The following ESD variants were observed in gnomAD, a reference collection of about 807,000 sequenced individuals.
ESD encodes S-formylglutathione hydrolase.
In ESD, 34 loss-of-function variants were observed where a neutral mutation model predicts 38.1. The observed-to-expected ratio is 0.89, with a 90% confidence interval of 0.68 to 1.19. The LOEUF (loss-of-function observed/expected upper bound fraction) is 1.19, where lower values mean the gene tolerates loss of function less well. Ranked by LOEUF, ESD falls within the 50% of genes most tolerant of loss-of-function variation. The pLI, the probability that ESD is intolerant of heterozygous loss-of-function variation, is 0.00. For synonymous variants in ESD, 97 were observed against 107.0 expected (o/e 0.91, Z 0.58); for missense variants, 334 against 327.2 (o/e 1.02, Z -0.16).
At chr13:46,796,635 A>T (rs1375503961) in intron 1 of ESD, among the ~76,000 whole-genome samples, 4 of 152,162 alleles carry the variant, frequency 2.6e-5, no homozygotes, top group Non-Finnish European at 4.4e-5. Flanking sequence ...TGACCGCGCC[A>T]TTGGCTCGTG....
chr13:46,791,391 C>T lies in ESD; in HGVS notation c.23G>A (p.Ser8Asn), dbSNP rs1028703029. Residue 8 changes from serine (S) to asparagine (N), a missense_variant, in exon 3 of 10, where the codon AGC (serine) becomes AAC (asparagine). Physicochemically the swap from Ser to Asn is conservative, Grantham distance 46 (BLOSUM62 1). Coordinates refer to ENST00000378720, the MANE Select transcript of ESD (RefSeq NM_001984.2). The stretch of plus-strand genomic sequence containing the variant: ...CTGCAATCCCCCAAAGCACTTGTTG[C>T]TGGAAATCTGCTTCAATGCCATTCT... Reference protein sequence around the residue: MALKQISSNKCFGGLQKV... With the variant: MALKQISNNKCFGGLQKV... The T allele has an allele frequency of 4.3e-6, 7 of 1,612,894 alleles. No homozygotes were observed. The African/African-American group carries it at 8.0e-5, about 18-fold the overall frequency.
At chr13:46,797,272 G>C (rs1875627098), upstream of ESD, 1 of 152,620 alleles carries the variant, frequency 6.6e-6, no homozygotes, top group Non-Finnish European at 1.5e-5. Context: ...CAGTCTCCAT[G>C]GCCCCGCCGC....
At chr13:46,791,318 T>C (rs1171398376) in intron 3 of ESD, 28 bp downstream of exon 3, 3 of 1,501,886 alleles carry the variant, frequency 2.0e-6, no homozygotes, top group Non-Finnish European at 2.8e-6. Flanking sequence ...GAATGAGGTA[T>C]CTAAAATTAT....
chr13:46,780,090 T>C (rs1874948575), intron 7 of ESD, 57 bp from the exon 8 acceptor site: 9 of 1,178,020 alleles, frequency 7.6e-6, no homozygotes, highest in Middle Eastern at 2.1e-4. Flanking sequence ...TAAATATGAA[T>C]AGATATTTGC....
chr13:46,795,691 G>A (rs1263357176), intron 1 of ESD, among the ~76,000 whole-genome samples: 4 of 151,574 alleles, frequency 2.6e-5, no homozygotes, highest in African/African-American at 9.7e-5. Context: ...AAAAATAGAT[G>A]AATAAAACTC....
At chr13:46,779,830 C>T in intron 8 of ESD, 105 bp downstream of exon 8, 1 of 586,556 alleles carries the variant, frequency 1.7e-6, no homozygotes, top group Non-Finnish European at 2.8e-6. Context: ...TTTGTCTCAG[C>T]TCTAGAGCCC....
intron 1 of ESD, among the ~76,000 whole-genome samples, chr13:46,793,893 G>A (rs1259441826): frequency 6.6e-6 from 1 of 152,104 alleles, no homozygotes; most frequent in Non-Finnish European, 1.5e-5. Context: ...GGGAAGAGAT[G>A]AGGACTGAAG....
At chr13:46,778,958 C>G (rs1033000837) in intron 8 of ESD, among the ~76,000 whole-genome samples, 2 of 150,830 alleles carry the variant, frequency 1.3e-5, no homozygotes, top group Non-Finnish European at 3.0e-5. Context: ...GAACACAGAA[C>G]TATACTTTAA....
chr13:46,794,102 GAC>G (rs1875490276), intron 1 of ESD, among the ~76,000 whole-genome samples: 1 of 151,786 alleles, frequency 6.6e-6, no homozygotes, highest in Non-Finnish European at 1.5e-5. Flanking sequence ...GAAATAGGGT[GAC>G]AGAGTAGGGT....
At chr13:46,771,532 C>A in intron 9 of ESD, 36 bp from the exon 10 acceptor site, 2 of 1,252,102 alleles carry the variant, frequency 1.6e-6, no homozygotes, top group South Asian at 2.5e-5. Context: ...ATTTATCTAC[C>A]ATTCAGGAAC....
rs1487201585 is a variant in ESD at position 46,771,290 on chromosome 13, TATAGA to T, written c.*121_*125del. On this transcript the variant is annotated 3_prime_UTR_variant, in exon 10 of 10. Transcript: ENST00000378720. ...TATCTTTATTCAGAGGTGATTCAAC[TATAGA>T]ATAAAGCCCTTTTAGCACTATAAAA... 3.4e-6 allele frequency: 2 copies of T among 588,104 alleles called. No individual in the cohort carries two copies. The highest frequency in any genetic ancestry group is 6.0e-6 in the Non-Finnish European group (2 of 335,610). 36.4% of individuals were successfully genotyped at this position (588,104 alleles called of 1,614,324 possible).
intron 9 of ESD, chr13:46,775,567 A>T (rs1874765828): frequency 4.4e-6 from 2 of 449,868 alleles, no homozygotes; most frequent in South Asian, 3.3e-5. Context: ...AAAGCTGGCA[A>T]GAAAATCTGA....
chr13:46,787,786 T>C (rs1164919380), intron 3 of ESD, among the ~76,000 whole-genome samples: 1 of 151,948 alleles, frequency 6.6e-6, no homozygotes. Context: ...CACACTGTTA[T>C]GAAAAACTAA....
Position 46,789,991 on chromosome 13 carries a change from C to CATATATATATAT in ESD, c.68+1343_68+1354dup, listed in dbSNP as rs1163985354. On this transcript the variant is annotated intron_variant, in intron 3 of 9. Transcript: ENST00000378720. ...TAACCATGCCTGGCTAATTTTTGTA[C>CATATATATATAT]ATATATATATATATATATTTTTTTT... Among the ~76,000 whole-genome samples, 11 of 140,284 alleles carry CATATATATATAT rather than the reference C, an allele frequency of 7.8e-5. 1 individual carries two copies. In the South Asian group the frequency reaches 9.0e-4, roughly 11 times the overall value. 92.0% of individuals were successfully genotyped at this position (140,284 alleles called of 152,430 possible). A position where few individuals can be genotyped will look rare whatever the true frequency, so the allele number is the denominator to read the frequency against.
chr13:46,789,736 T>TC lies in ESD; in HGVS notation c.68+1609dup, dbSNP rs1225572075. ...TATCTTATTTTACTTTCTAGAATGT[T>TC]CAACTAACCATTCTATTGAGTTTTG... On this transcript the variant is annotated intron_variant, in intron 3 of 9. Coordinates refer to ENST00000378720, the MANE Select transcript of ESD (RefSeq NM_001984.2). Among the ~76,000 whole-genome samples the TC allele has an allele frequency of 2.0e-5, 3 of 152,082 alleles. No homozygotes were observed. The South Asian group carries it at 6.2e-4, about 31-fold the overall frequency.
In ESD at chr13:46,794,495, TA is replaced by T. The variant is rs780424628; in HGVS notation, c.-55-1052del. ...ACTACAGGTGCGTACCACACTGGAA[TA>T]TTTTTTTTTTTAATTTTTTGTAGAG... On this transcript the variant is annotated intron_variant, in intron 1 of 9. Transcript: ENST00000378720. 9.5e-4 allele frequency among the ~76,000 whole-genome samples: 141 copies of T among 148,296 alleles called. 1 individual carries two copies. The Middle Eastern group carries it at 0.011, about 11-fold the overall frequency.
intron 1 of ESD, among the ~76,000 whole-genome samples, chr13:46,794,874 T>A (rs1473498305): frequency 6.6e-6 from 1 of 152,178 alleles, no homozygotes; most frequent in Non-Finnish European, 1.5e-5. Context: ...TTCTTCACAC[T>A]CTTTCCCTAA....
At chr13:46,794,161 A>AACAAC (rs1555294167) in intron 1 of ESD, among the ~76,000 whole-genome samples, 49 of 151,334 alleles carry the variant, frequency 3.2e-4, no homozygotes, top group African/African-American at 1.1e-3. Flanking sequence ...CCCCTCCAAA[A>AACAAC]AACAACAACA....
At chr13:46,793,138 A>AT (rs1452062490) in intron 2 of ESD, among the ~76,000 whole-genome samples, 1 of 152,124 alleles carries the variant, frequency 6.6e-6, no homozygotes, top group Non-Finnish European at 1.5e-5. Flanking sequence ...CTTTTAAAGT[A>AT]TTTTTTCTAC....
Sources: gnomAD v4.1 joint callset for allele counts (sites outside exome capture counted in the v4.1 genomes callset) on GRCh38, gnomAD v4.1.1 for gene constraint, MANE v1.5 for transcripts, NCBI Gene and HGNC (gene_info 2026-07-23, HGNC 2026-07-21) for gene names.